Variants in TAF3 observed in about 807,000 individuals in gnomAD.
TAF3 encodes transcription initiation factor TFIID subunit 3.
Under a neutral mutation model 80.6 loss-of-function variants are expected in TAF3, and 7 were observed. The observed-to-expected ratio is 0.09, with a 90% CI of 0.05 to 0.16. TAF3 has a LOEUF of 0.16. Ranked by LOEUF, TAF3 falls within the 10% of genes least tolerant of loss-of-function variation. The probability of loss-of-function intolerance (pLI) is 1.00; values close to 1 mark genes in which losing one functional copy is unlikely to be tolerated. For missense variants in TAF3, 921 were observed against 1,140.2 expected, an observed-to-expected ratio of 0.81 and a Z score of 2.77; for synonymous variants, 444 against 446.1, an observed-to-expected ratio of 1.00 and a Z score of 0.06.
At chr10:7,842,151 GTTTTTTTT>G (rs71505465) in intron 2 of TAF3, among the ~76,000 whole-genome samples, 1 of 98,748 alleles carries the variant, frequency 1.0e-5, no homozygotes, top group African/African-American at 3.7e-5. Context: ...AATTAATATT[GTTTTTTTT>G]TTTTGTTTTT....
chr10:7,852,318 G>A (rs534345222), intron 2 of TAF3, among the ~76,000 whole-genome samples: 5 of 152,180 alleles, frequency 3.3e-5, no homozygotes, highest in Admixed American at 6.5e-5. Context: ...TGTTATAAAC[G>A]TTTGTTGGTT....
intron 2 of TAF3, among the ~76,000 whole-genome samples, chr10:7,928,709 C>A (rs1162940745): frequency 1.3e-5 from 2 of 152,126 alleles, no homozygotes; most frequent in African/African-American, 4.8e-5. Flanking sequence ...ATTCTACTCA[C>A]GATGATCTAG....
intron 2 of TAF3, among the ~76,000 whole-genome samples, chr10:7,932,914 G>A (rs1564365961): frequency 1.3e-5 from 2 of 151,780 alleles, no homozygotes; most frequent in African/African-American, 4.8e-5. Flanking sequence ...TCCTGGGCTC[G>A]AGTGATCCTC....
At chr10:7,983,014 G>T (rs993662789) in intron 4 of TAF3, among the ~76,000 whole-genome samples, 3 of 152,118 alleles carry the variant, frequency 2.0e-5, no homozygotes, top group Admixed American at 2.0e-4. Context: ...AAATCAAACC[G>T]TCTTAGAGGG....
intron 2 of TAF3, among the ~76,000 whole-genome samples, chr10:7,950,043 T>C (rs1036912976): frequency 6.6e-6 from 1 of 152,228 alleles, no homozygotes; most frequent in African/African-American, 2.4e-5. Context: ...TTTCTAATAA[T>C]AGCACTGCTG....
intron 4 of TAF3, among the ~76,000 whole-genome samples, chr10:7,998,869 G>A (rs907899206): frequency 2.0e-5 from 3 of 151,814 alleles, no homozygotes; most frequent in Non-Finnish European, 2.9e-5. Context: ...AGAAAGAAAT[G>A]TAGGGAGAAA....
rs776762404 is a variant in TAF3, at chr10:7,964,700, G to A, written c.1190G>A (p.Arg397Gln). The change falls in exon 3 of 7, where the codon CGA becomes CAA. Residue 397 changes from arginine (R) to glutamine (Q), a missense_variant. By Grantham distance (43) the Arg-to-Gln change is conservative. Transcript: ENST00000344293. The surrounding 1 kb of genome is among the most constrained non-coding windows in gnomAD (Gnocchi z 4.1). ...IEASIDAVIA[R>Q]ACAEREPDPF... The stretch of plus-strand genomic sequence containing the variant: ...GCCTCTATCGATGCTGTGATTGCAC[G>A]AGCCTGTGCTGAGCGAGAGCCAGAT... The A allele has an allele frequency of 3.7e-6, 6 of 1,614,188 alleles. No individual in the cohort carries two copies. The highest frequency in any genetic ancestry group is 2.2e-5 in the South Asian group (2 of 91,076).
chr10:7,847,986 T>A (rs1195768130), intron 2 of TAF3, among the ~76,000 whole-genome samples: 1 of 104,304 alleles, frequency 9.6e-6, no homozygotes, highest in Non-Finnish European at 2.3e-5. Context: ...TCCAGGCTGA[T>A]CGCAAACTCC....
intron 5 of TAF3, among the ~76,000 whole-genome samples, chr10:8,011,251 T>C (rs1832053172): frequency 6.6e-6 from 1 of 152,110 alleles, no homozygotes; most frequent in African/African-American, 2.4e-5. Context: ...ATTTCTTTTT[T>C]TTATGTTTTC....
chr10:7,930,773 T>C (rs1837861140), intron 2 of TAF3, among the ~76,000 whole-genome samples: 1 of 152,112 alleles, frequency 6.6e-6, no homozygotes, highest in Admixed American at 6.6e-5. Flanking sequence ...GATACTGGTA[T>C]CCATTTTTTT....
chr10:7,974,974 T>G (rs1831656568), intron 3 of TAF3: 1 of 178,394 alleles, frequency 5.6e-6, no homozygotes, highest in African/African-American at 2.5e-5. Flanking sequence ...CTCTGGAGGC[T>G]GAGGCAGGAG....
chr10:7,956,441 C>G (rs558103571), intron 2 of TAF3, among the ~76,000 whole-genome samples: 1 of 152,138 alleles, frequency 6.6e-6, no homozygotes, highest in Non-Finnish European at 1.5e-5. Flanking sequence ...GAACCGGAAT[C>G]ATGCCACTGC....
chr10:7,909,780 A>G (rs1174242068), intron 2 of TAF3, among the ~76,000 whole-genome samples: 1 of 152,140 alleles, frequency 6.6e-6, no homozygotes, highest in Non-Finnish European at 1.5e-5. Context: ...GCAGAATAGG[A>G]ATCAACAGAG....
intron 2 of TAF3, among the ~76,000 whole-genome samples, chr10:7,844,887 G>A (rs1836954262): frequency 6.6e-6 from 1 of 151,822 alleles, no homozygotes; most frequent in African/African-American, 2.4e-5. Flanking sequence ...TAGTTACTTA[G>A]CCAATCGCTT....
rs548970663 is a variant in TAF3 at position 7,818,709 on chromosome 10, G to A, written c.-1G>A. On this transcript the variant is annotated 5_prime_UTR_variant, in exon 1 of 7. Transcript: ENST00000344293. ...GGCTGCGGTGGCGTCCACGCAGCGG[G>A]ATGTGCGAGAGTTACTCCAGGTCGT... 5 of 1,604,354 alleles carry A rather than the reference G, an allele frequency of 3.1e-6. No homozygotes were observed. Among genetic ancestry groups the A allele is most frequent in the South Asian group, 2.2e-5 (2 of 90,860 alleles).
intron 2 of TAF3, among the ~76,000 whole-genome samples, chr10:7,837,381 G>C (rs1337938927): frequency 6.6e-6 from 1 of 150,936 alleles, no homozygotes; most frequent in African/African-American, 2.4e-5. Context: ...GGTGGCTCAT[G>C]CCTGTAATTT....
intron 2 of TAF3, among the ~76,000 whole-genome samples, chr10:7,896,717 C>G (rs893194864): frequency 6.6e-6 from 1 of 152,172 alleles, no homozygotes; most frequent in Admixed American, 6.5e-5. Flanking sequence ...TGGTAGTTTT[C>G]TACTACCACA....
chr10:7,972,475 G>A (rs371709049), intron 3 of TAF3, among the ~76,000 whole-genome samples: 6 of 152,070 alleles, frequency 3.9e-5, no homozygotes, highest in East Asian at 3.8e-4. Flanking sequence ...CCAGTTATGT[G>A]GTATAATTAA....
intron 2 of TAF3, among the ~76,000 whole-genome samples, chr10:7,945,736 C>T (rs1442005649): frequency 6.6e-6 from 1 of 152,192 alleles, no homozygotes; most frequent in African/African-American, 2.4e-5. Context: ...CCTGAATCAG[C>T]TCTCAGCTGA....
Sources: allele counts gnomAD v4.1 joint callset (sites outside exome capture counted in the v4.1 genomes callset), GRCh38; gene constraint gnomAD v4.1.1; non-coding constraint Gnocchi (gnomAD v3.1); transcripts MANE v1.5; gene names NCBI Gene and HGNC (gene_info 2026-07-23, HGNC 2026-07-21).